GSDMB: variants seen among roughly 807,000 people sequenced by gnomAD.
GSDMB encodes the protein gasdermin-B.
Under a neutral mutation model 42.9 loss-of-function variants are expected in GSDMB, and 32 were observed. The ratio of observed to expected loss-of-function variants is 0.75; its 90% CI spans 0.56 to 1.00. The LOEUF (loss-of-function observed/expected upper bound fraction) is 1.00. Ranked by LOEUF, GSDMB falls within the 50% of genes least tolerant of loss-of-function variation. The pLI is 0.00. For missense variants in GSDMB, 468 were observed against 498.5 expected, an observed-to-expected ratio of 0.94 and a Z score of 0.58; for synonymous variants, 175 against 193.7, an observed-to-expected ratio of 0.90 and a Z score of 0.80.
chr17:39,905,996 G>A lies in GSDMB; in HGVS notation c.889-11C>T. On this transcript the variant is annotated splice_polypyrimidine_tract_variant and intron_variant, in intron 8 of 10. Coordinates refer to ENST00000418519, the MANE Select transcript of GSDMB (RefSeq NM_001165958.2). ...CAGGACCTCAGATACCTAGGGCCAGGAAGTGTGGGAGATGAGCAGCAGTCT... is the reference window on the plus strand; with the variant it reads ...CAGGACCTCAGATACCTAGGGCCAGAAAGTGTGGGAGATGAGCAGCAGTCT... 2 of 1,613,864 alleles carry A rather than the reference G, an allele frequency of 1.2e-6. No individual in the cohort carries two copies.
At chr17:39,917,028 G>T in intron 2 of GSDMB, 54 bp downstream of exon 2, 2 of 1,128,476 alleles carry the variant, frequency 1.8e-6, no homozygotes, top group Non-Finnish European at 2.7e-6. Context: ...AGGAGATGGA[G>T]TACAAACGGT....
In GSDMB at chr17:39,913,724, C is replaced by A. The variant is rs561075667; in HGVS notation, c.236-1227G>T. Among the ~76,000 whole-genome samples the A allele has an allele frequency of 3.9e-5, 6 of 152,294 alleles. No homozygotes were observed. In the South Asian group the frequency reaches 1.2e-3, roughly 32 times the overall value. The stretch of plus-strand genomic sequence containing the variant: ...ATGGACTCGGCCCTGATTGATCAGG[C>A]ACTAATAAGGGCCTTGGTTCTGAGT... On this transcript the variant is annotated intron_variant, in intron 2 of 10. Transcript: ENST00000418519.
intron 9 of GSDMB, 113 bp downstream of exon 9, chr17:39,905,734 C>T (rs895261526): frequency 3.1e-5 from 37 of 1,200,470 alleles, no homozygotes; most frequent in Admixed American, 6.1e-5. Flanking sequence ...GAAGGAGTGC[C>T]CCCCATAAAC....
At chr17:39,909,115 A>C in intron 4 of GSDMB, 73 bp from the exon 5 acceptor site, 1 of 847,948 alleles carries the variant, frequency 1.2e-6, no homozygotes, top group Non-Finnish European at 1.9e-6. Flanking sequence ...CTCCCAAACA[A>C]TCCTGTGAGG....
chr17:39,906,525 T>C, intron 7 of GSDMB: 1 of 1,357,304 alleles, frequency 7.4e-7, no homozygotes, highest in Non-Finnish European at 9.5e-7. Flanking sequence ...CTCCACTTCC[T>C]GGAAAAAAAC....
chr17:39,918,497 A>G (rs2063755450), intron 1 of GSDMB, 37 bp downstream of exon 1: 1 of 152,318 alleles, frequency 6.6e-6, no homozygotes, highest in Non-Finnish European at 1.5e-5. Flanking sequence ...GAAAGACAGT[A>G]CCCGGGAACC....
At chr17:39,908,149 G>A (rs554424486) in intron 6 of GSDMB, 27 bp downstream of exon 6, 38 of 1,350,852 alleles carry the variant, frequency 2.8e-5, no homozygotes, top group Admixed American at 1.8e-4. Context: ...CTGAAATGAC[G>A]AACGGGAAGC....
rs2063559283 is a variant in GSDMB, at chr17:39,909,047, A to G, written c.577-5T>C. ...GATGGTCACTTCCCTTTGGCCCTAG[A>G]AAAAGGAGCTCACATTGACGGATCC... On this transcript the variant is annotated splice_polypyrimidine_tract_variant and splice_region_variant and intron_variant, in intron 4 of 10. Transcript: ENST00000418519. 1 of 1,571,628 alleles carries G rather than the reference A, an allele frequency of 6.4e-7. No homozygotes were observed.
Position 39,906,287 on chromosome 17 carries a change from T to G in GSDMB, c.728-16A>C. 2.5e-6 allele frequency: 4 copies of G among 1,613,382 alleles called. No individual in the cohort carries two copies. Among genetic ancestry groups the G allele is most frequent in the Non-Finnish European group, 3.4e-6 (4 of 1,179,674 alleles). ...AAAGACTTTCCTGTAGAGGCAGCAATTGAGAACCTGGGCCACCCAGCCCAA... is the reference window on the plus strand; with the variant it reads ...AAAGACTTTCCTGTAGAGGCAGCAAGTGAGAACCTGGGCCACCCAGCCCAA... On this transcript the variant is annotated splice_polypyrimidine_tract_variant and intron_variant, in intron 7 of 10. Coordinates refer to ENST00000418519, the MANE Select transcript of GSDMB (RefSeq NM_001165958.2).
chr17:39,905,626 C>T (rs940960956), intron 9 of GSDMB, 130 bp from the exon 10 acceptor site: 5 of 909,680 alleles, frequency 5.5e-6, no homozygotes, highest in South Asian at 1.5e-5. Context: ...ATGAGACTTA[C>T]TCCAAACAGG....
rs545226079 is a variant in GSDMB, at chr17:39,905,834, G to C, written c.1027+13C>G. ...CTTCCTCCACCCCAGCCTACAGCGAGACCCTTCCTCACCTAGCAGGGCATC... is the reference window on the plus strand; with the variant it reads ...CTTCCTCCACCCCAGCCTACAGCGACACCCTTCCTCACCTAGCAGGGCATC... On this transcript the variant is annotated intron_variant, in intron 9 of 10. Transcript: ENST00000418519. 88 of 1,612,960 alleles carry C rather than the reference G, an allele frequency of 5.5e-5. 1 individual carries two copies. In the South Asian group the frequency reaches 7.9e-4, roughly 14 times the overall value.
chr17:39,912,301 C>A, intron 3 of GSDMB, 25 bp downstream of exon 3: 1 of 1,590,954 alleles, frequency 6.3e-7, no homozygotes, highest in Admixed American at 1.7e-5. Flanking sequence ...TCCCCTCCTT[C>A]CCTGCTGCCC....
Position 39,918,581 on chromosome 17 carries a change from C to T in GSDMB, c.-62G>A, listed in dbSNP as rs1368530696. On this transcript the variant is annotated 5_prime_UTR_variant, in exon 1 of 11. Transcript: ENST00000418519. Reference sequence around the variant, plus strand: ...CACCAGAAATGGAAGTTGTGAGAATCCCCACAGATCTCTGCACAGTTCCTG... The same window carrying T: ...CACCAGAAATGGAAGTTGTGAGAATTCCCACAGATCTCTGCACAGTTCCTG... 6.6e-6 allele frequency: 1 copy of T among 152,346 alleles called. No homozygotes were observed. The highest frequency in any genetic ancestry group is 2.4e-5 in the African/African-American group (1 of 41,424). 9.4% of individuals were successfully genotyped at this position (152,346 alleles called of 1,614,324 possible).
Position 39,909,902 on chromosome 17 carries a change from A to C in GSDMB, c.430T>G (p.Phe144Val), listed in dbSNP as rs765652166. The C allele has an allele frequency of 5.1e-5, 83 of 1,613,704 alleles. No individual in the cohort carries two copies. Among genetic ancestry groups the C allele is most frequent in the Non-Finnish European group, 6.9e-5 (81 of 1,179,780 alleles). Residue 144 changes from phenylalanine to valine, a missense_variant, in exon 4 of 11, where the codon TTT becomes GTT. Physicochemically the swap from Phe to Val is conservative, Grantham distance 50. Transcript: ENST00000418519. ...ENRKLKRELPFSFRSINTREN... is the reference protein window; with the variant it reads ...ENRKLKRELPVSFRSINTREN... The stretch of plus-strand genomic sequence containing the variant: ...CTCGTATTAATTGATCGGAATGAAA[A>C]GGGTAGTTCCCTCTTCAGCTTCCTG...
chr17:39,917,585 C>CT lies in GSDMB; in HGVS notation c.-14-256_-14-255insA, dbSNP rs1296569711. 219 of 96,284 alleles carry CT rather than the reference C, an allele frequency of 2.3e-3. 1 individual carries two copies. Among genetic ancestry groups the CT allele is most frequent in the Middle Eastern group, 7.5e-3 (2 of 268 alleles). 6.0% of individuals were successfully genotyped at this position (96,284 alleles called of 1,614,324 possible). A position where few individuals can be genotyped will look rare whatever the true frequency, so the allele number is the denominator to read the frequency against. On this transcript the variant is annotated intron_variant, in intron 1 of 10. Coordinates refer to ENST00000418519, the MANE Select transcript of GSDMB (RefSeq NM_001165958.2). ...CCCACCCTGATACAATATAGTCTCC[C>CT]CGCCGCCGCCCTTAAGAAGGTACTT... is the stretch of plus-strand genomic sequence containing the variant.
chr17:39,906,086 C>G (rs780196247), intron 8 of GSDMB, 25 bp downstream of exon 8: 18 of 1,613,646 alleles, frequency 1.1e-5, no homozygotes, highest in Non-Finnish European at 1.5e-5. Flanking sequence ...TCTCTCTGCC[C>G]CAAGGCTTTC....
At chr17:39,913,335 T>C (rs1307612042) in intron 2 of GSDMB, among the ~76,000 whole-genome samples, 2 of 151,806 alleles carry the variant, frequency 1.3e-5, no homozygotes, top group East Asian at 2.0e-4. Context: ...TAAGCAGTTC[T>C]GGGTGGGCAC....
intron 7 of GSDMB, 82 bp downstream of exon 7, chr17:39,906,879 C>A: frequency 6.2e-7 from 1 of 1,606,230 alleles, no homozygotes; most frequent in South Asian, 1.1e-5. Context: ...CAGCTGACCC[C>A]ACCTGAGCAG....
At chr17:39,905,620 G>T in intron 9 of GSDMB, 124 bp from the exon 10 acceptor site, 1 of 929,024 alleles carries the variant, frequency 1.1e-6, no homozygotes, top group Non-Finnish European at 1.7e-6. Flanking sequence ...TGCTAGATGA[G>T]ACTTACTCCA....
Sources: gnomAD v4.1 joint callset for allele counts (sites outside exome capture counted in the v4.1 genomes callset) on GRCh38, gnomAD v4.1.1 for gene constraint, MANE v1.5 for transcripts, NCBI Gene and HGNC (gene_info 2026-07-23, HGNC 2026-07-21) for gene names.